The following DIP2B variants were observed in gnomAD, a reference collection of about 807,000 sequenced individuals.
The protein encoded by DIP2B is DIP2 acetate--CoA ligase B (putative).
In DIP2B, 76 loss-of-function variants were observed where a neutral mutation model predicts 198.0. The ratio of observed to expected loss-of-function variants is 0.38; its 90% CI spans 0.32 to 0.46. The LOEUF is 0.46. DIP2B is among the 20% of genes least tolerant of loss of function. The probability of loss-of-function intolerance (pLI) is 0.99; values close to 1 mark genes in which losing one functional copy is unlikely to be tolerated. For missense variants in DIP2B, 1,559 were observed against 1,978.4 expected (o/e 0.79, Z 4.02); for synonymous variants, 701 against 739.1 (o/e 0.95, Z 0.84).
chr12:50,589,666 G>C (rs953376334), intron 1 of DIP2B, among the ~76,000 whole-genome samples: 12 of 152,156 alleles, frequency 7.9e-5, no homozygotes, highest in African/African-American at 2.7e-4. Context: ...TGCAAGAATT[G>C]TGAGTCCAGT....
intron 2 of DIP2B, among the ~76,000 whole-genome samples, chr12:50,628,264 G>A (rs1937975410): frequency 6.6e-6 from 1 of 152,038 alleles, no homozygotes; most frequent in Admixed American, 6.6e-5. Flanking sequence ...CCAGCTACTC[G>A]GGATGCTGAG....
intron 4 of DIP2B, 151 bp from the exon 5 acceptor site, chr12:50,671,035 T>G (rs1938843323): frequency 9.6e-6 from 7 of 731,204 alleles, no homozygotes; most frequent in East Asian, 2.7e-5. Flanking sequence ...GACTTTTCCT[T>G]GAGATTCTTG....
At chr12:50,652,638 T>C (rs1938477503) in intron 3 of DIP2B, among the ~76,000 whole-genome samples, 2 of 152,160 alleles carry the variant, frequency 1.3e-5, no homozygotes, top group African/African-American at 4.8e-5. Context: ...TAGAATTGTT[T>C]TTTCTATCTC....
intron 32 of DIP2B, among the ~76,000 whole-genome samples, chr12:50,733,019 C>G (rs970592243): frequency 3.3e-5 from 5 of 152,114 alleles, no homozygotes; most frequent in Non-Finnish European, 5.9e-5. Flanking sequence ...GGTTCTCTCA[C>G]GTCAGCCTCC....
At chr12:50,696,399 G>A (rs1415802430) in intron 16 of DIP2B, among the ~76,000 whole-genome samples, 2 of 152,184 alleles carry the variant, frequency 1.3e-5, no homozygotes, top group Admixed American at 1.3e-4. Flanking sequence ...CCAGGAAATC[G>A]TCCATTGTAT....
chr12:50,745,993 A>G lies in DIP2B; in HGVS notation c.*1154A>G, dbSNP rs974227271. 7.2e-5 allele frequency: 11 copies of G among 152,262 alleles called. No homozygotes were observed. Among genetic ancestry groups the G allele is most frequent in the African/African-American group, 2.4e-4 (10 of 41,468 alleles). The allele number at this position is 152,262 out of a possible 1,614,324, so 9.4% of individuals were successfully genotyped here. Reference sequence around the variant, plus strand: ...GAAGGCAGTGGGGATCCACCATCACATGGAACTGTAAGGCCATATAACTAC... The same window carrying G: ...GAAGGCAGTGGGGATCCACCATCACGTGGAACTGTAAGGCCATATAACTAC... On this transcript the variant is annotated 3_prime_UTR_variant, in exon 38 of 38. Transcript: ENST00000301180.
chr12:50,556,849 A>G (rs961925002), intron 1 of DIP2B, among the ~76,000 whole-genome samples: 1 of 152,182 alleles, frequency 6.6e-6, no homozygotes, highest in African/African-American at 2.4e-5. Flanking sequence ...AGCTGGGATT[A>G]CAGGCATTCG....
At chr12:50,572,885 A>G (rs1425151147) in intron 1 of DIP2B, among the ~76,000 whole-genome samples, 4 of 152,322 alleles carry the variant, frequency 2.6e-5, no homozygotes, top group Admixed American at 6.5e-5. Flanking sequence ...GTGACTCGCC[A>G]TGGACAGTAT....
At chr12:50,666,238 G>A (rs1938750170) in intron 4 of DIP2B, among the ~76,000 whole-genome samples, 1 of 152,150 alleles carries the variant, frequency 6.6e-6, no homozygotes, top group Non-Finnish European at 1.5e-5. Flanking sequence ...TAATGTTATG[G>A]TTACCATTTA....
chr12:50,745,692 A>G lies in DIP2B; in HGVS notation c.*853A>G, dbSNP rs895529891. ...TTCAGCCTGTTTCTAAAAGCTGAAA[A>G]TCTCAGTTTAAAAATCAAAATGTTA... On this transcript the variant is annotated 3_prime_UTR_variant, in exon 38 of 38. Coordinates refer to ENST00000301180, the MANE Select transcript of DIP2B (RefSeq NM_173602.3). 1.3e-5 allele frequency: 2 copies of G among 152,636 alleles called. No homozygotes were observed. The highest frequency in any genetic ancestry group is 2.9e-5 in the Non-Finnish European group (2 of 68,042). The allele number at this position is 152,636 out of a possible 1,614,324, so 9.5% of individuals were successfully genotyped here.
In DIP2B at chr12:50,721,465, A is replaced by T. The variant is rs932006075; in HGVS notation, c.3166+69A>T. 9.4e-6 allele frequency: 15 copies of T among 1,590,284 alleles called. No homozygotes were observed. In the South Asian group the frequency reaches 1.7e-4, roughly 18 times the overall value. ...GACTGACTACAAATTATAAAAGGAT[A>T]GGCACTCAGAGCTACTCTCTATGAC... On this transcript the variant is annotated intron_variant, in intron 26 of 37. Transcript: ENST00000301180.
intron 34 of DIP2B, 34 bp downstream of exon 34, chr12:50,735,164 C>A (rs1406070968): frequency 6.2e-7 from 1 of 1,612,164 alleles, no homozygotes; most frequent in South Asian, 1.1e-5. Flanking sequence ...GGAAGGTGGG[C>A]TGTGTGGAGA....
In DIP2B at chr12:50,682,628, CAAAAAAA is replaced by C. The variant is rs58672851; in HGVS notation, c.1207-491_1207-485del. ...TGGGCGACAGAGCGAGACTCTGTCT[CAAAAAAA>C]AAAAAAAAAAAAAAAAAAGAGTAGG... On this transcript the variant is annotated intron_variant, in intron 9 of 37. Transcript: ENST00000301180. Among the ~76,000 whole-genome samples, 142 of 42,144 alleles carry C rather than the reference CAAAAAAA, an allele frequency of 3.4e-3. 2 individuals are homozygous for C. The East Asian group carries it at 0.08, about 24-fold the overall frequency. The allele number at this position is 42,144 out of a possible 152,430, so 27.6% of individuals were successfully genotyped here. A position where few individuals can be genotyped will look rare whatever the true frequency, so the allele number is the denominator to read the frequency against.
chr12:50,706,729 T>G (rs1939520542), intron 21 of DIP2B, 64 bp downstream of exon 21: 1 of 1,566,980 alleles, frequency 6.4e-7, no homozygotes, highest in Non-Finnish European at 8.7e-7. Flanking sequence ...CTTCACATGG[T>G]GATTTCAGTG....
At chr12:50,696,930 G>T (rs1939322341) in intron 16 of DIP2B, 131 bp from the exon 17 acceptor site, 1 of 636,396 alleles carries the variant, frequency 1.6e-6, no homozygotes, top group Non-Finnish European at 2.7e-6. Flanking sequence ...TAAAATATTT[G>T]CGTGGAATTA....
Position 50,555,887 on chromosome 12 carries a change from A to G in DIP2B, c.100+50647A>G, listed in dbSNP as rs373056782. ...TGCTTCACTGATATACGAAACACAC[A>G]TATCAAAGGATAGCCTGGCCATGTT... On this transcript the variant is annotated intron_variant, in intron 1 of 37. Transcript: ENST00000301180. Among the ~76,000 whole-genome samples the G allele has an allele frequency of 7.2e-5, 11 of 152,254 alleles. 1 individual carries two copies. The South Asian group carries it at 2.3e-3, about 32-fold the overall frequency.
intron 23 of DIP2B, among the ~76,000 whole-genome samples, chr12:50,717,903 T>TTC (rs1939761292): frequency 7.1e-6 from 1 of 141,276 alleles, no homozygotes; most frequent in African/African-American, 2.6e-5. Flanking sequence ...TCACTTTTTT[T>TTC]TTTTTTTTTT....
intron 1 of DIP2B, among the ~76,000 whole-genome samples, chr12:50,597,330 C>T (rs1958887387): frequency 6.6e-6 from 1 of 152,142 alleles, no homozygotes; most frequent in Admixed American, 6.5e-5. Flanking sequence ...AATCTGGCAT[C>T]TTATATTGAA....
intron 16 of DIP2B, 73 bp downstream of exon 16, chr12:50,696,040 A>C: frequency 6.3e-7 from 1 of 1,590,860 alleles, no homozygotes; most frequent in Non-Finnish European, 8.6e-7. Flanking sequence ...CCCTGTACTA[A>C]GATATAATTC....
Sources: allele counts gnomAD v4.1 joint callset (sites outside exome capture counted in the v4.1 genomes callset), GRCh38; gene constraint gnomAD v4.1.1; transcripts MANE v1.5; gene names NCBI Gene and HGNC (gene_info 2026-07-23, HGNC 2026-07-21).